RAB3IL1: variants seen among roughly 807,000 people sequenced by gnomAD.
The protein encoded by RAB3IL1 is RAB3A interacting protein like 1.
In RAB3IL1, 37 loss-of-function variants were observed where a neutral mutation model predicts 49.2. That is an observed-to-expected ratio of 0.75 (90% CI 0.58 to 0.99). The LOEUF (loss-of-function observed/expected upper bound fraction) is 0.99. Among genes scored for constraint, RAB3IL1 ranks in the 50% least tolerant of loss-of-function variants. RAB3IL1 has a pLI of 0.00. For missense variants in RAB3IL1, 484 were observed against 513.0 expected (o/e 0.94, Z 0.55); for synonymous variants, 193 against 213.9 (o/e 0.90, Z 0.85).
Position 61,898,193 on chromosome 11 carries a change from A to G in RAB3IL1, c.*85T>C. 2 of 1,315,600 alleles carry G rather than the reference A, an allele frequency of 1.5e-6. No homozygotes were observed. The highest frequency in any genetic ancestry group is 2.1e-6 in the Non-Finnish European group (2 of 932,146). The allele number at this position is 1,315,600 out of a possible 1,614,324, so 81.5% of individuals were successfully genotyped here. ...CTGCCTCTGGCTCAGGGCTGGCTCCAGGCCCCCGTCTCCCTGTGTGTCGGC... is the reference window on the plus strand; with the variant it reads ...CTGCCTCTGGCTCAGGGCTGGCTCCGGGCCCCCGTCTCCCTGTGTGTCGGC... On this transcript the variant is annotated 3_prime_UTR_variant, in exon 10 of 10. Transcript: ENST00000394836. The surrounding 1 kb of genome is among the most constrained non-coding windows in gnomAD (Gnocchi z 5.1).
At position 61,907,583 on chromosome 11, in the gene RAB3IL1, C is replaced by T. The variant is rs750670459; in HGVS notation, c.342G>A (p.Leu114=). ...REQLEQELEE[L]TASLFEEAHK... is the part of the protein sequence containing the mutation. Reference sequence around the variant, plus strand: ...GGTGTACCTCAAACAGGCTGGCCGTCAGCTCTTCCAGCTCCTGTTCTAGCT... The same window carrying T: ...GGTGTACCTCAAACAGGCTGGCCGTTAGCTCTTCCAGCTCCTGTTCTAGCT... The change falls in exon 3 of 10, where the codon CTG becomes CTA. Residue 114 remains leucine (L), a synonymous_variant. Transcript: ENST00000394836. 9 of 1,614,008 alleles carry T rather than the reference C, an allele frequency of 5.6e-6. No homozygotes were observed. In the East Asian group the frequency reaches 6.7e-5, roughly 12 times the overall value.
At chr11:61,902,110 T>A (rs1361336299) in intron 8 of RAB3IL1, among the ~76,000 whole-genome samples, 2 of 151,744 alleles carry the variant, frequency 1.3e-5, no homozygotes, top group Admixed American at 6.6e-5. Flanking sequence ...AGGCCAGGAG[T>A]TCGAGTTCAG....
intron 8 of RAB3IL1, chr11:61,899,869 G>A (rs960729994): frequency 9.3e-5 from 15 of 161,368 alleles, no homozygotes; most frequent in Admixed American, 8.2e-4. Flanking sequence ...GTCAGAAGCC[G>A]CTCACCTGGG....
At chr11:61,914,768 T>G (rs1471926290) in intron 1 of RAB3IL1, among the ~76,000 whole-genome samples, 2 of 151,558 alleles carry the variant, frequency 1.3e-5, no homozygotes, top group African/African-American at 4.9e-5. Context: ...AAGAGAAAGA[T>G]CTCAGTTCAT....
At chr11:61,899,597 G>A (rs886176220) in intron 8 of RAB3IL1, 10 of 573,902 alleles carry the variant, frequency 1.7e-5, no homozygotes, top group South Asian at 1.0e-4. Flanking sequence ...TTCATCAAGC[G>A]CCTGCAGCGA....
In RAB3IL1 at chr11:61,907,672, G is replaced by C. The variant is rs766624877; in HGVS notation, c.265-12C>G. On this transcript the variant is annotated splice_polypyrimidine_tract_variant and intron_variant, in intron 2 of 9. Transcript: ENST00000394836. ...TTTAGCTTCAGCTCCTGGAGGAAAA[G>C]AGGCAGGCACTTGAGCACCTCAGCA... The C allele has an allele frequency of 3.1e-6, 5 of 1,613,482 alleles. No homozygotes were observed. The highest frequency in any genetic ancestry group is 1.1e-5 in the South Asian group (1 of 90,954).
chr11:61,921,955 G>A (rs945910323), upstream of RAB3IL1, among the ~76,000 whole-genome samples: 24 of 152,056 alleles, frequency 1.6e-4, no homozygotes, highest in Non-Finnish European at 4.4e-5. Flanking sequence ...TTGGGAGGCC[G>A]AGGTGGGAGG....
intron 7 of RAB3IL1, 132 bp from the exon 8 acceptor site, chr11:61,902,673 T>C (rs778167885): frequency 2.0e-5 from 16 of 815,944 alleles, no homozygotes; most frequent in Non-Finnish European, 3.1e-5. Flanking sequence ...CCACCCGGCT[T>C]CCAAAGGAAC....
At chr11:61,934,125 C>T in the RAB3IL1 span, among the ~76,000 whole-genome samples, 1 of 151,796 alleles carries the variant, frequency 6.6e-6, no homozygotes, top group African/African-American at 2.4e-5. Context: ...GTGAGTGATG[C>T]ACTTGAATAT....
At chr11:61,945,856 C>T in the RAB3IL1 span, 1 of 966,788 alleles carries the variant, frequency 1.0e-6, no homozygotes, top group South Asian at 4.8e-5. Flanking sequence ...GTTGGTCCAG[C>T]TCTGGTCTAT....
At chr11:61,933,294 T>C in the RAB3IL1 span, among the ~76,000 whole-genome samples, 13 of 151,982 alleles carry the variant, frequency 8.6e-5, no homozygotes, top group Non-Finnish European at 1.8e-4. Flanking sequence ...TGTATCCTTA[T>C]AAGAGGGGGG....
chr11:61,901,432 C>T (rs922632716), intron 8 of RAB3IL1, among the ~76,000 whole-genome samples: 1 of 152,238 alleles, frequency 6.6e-6, no homozygotes, highest in Non-Finnish European at 1.5e-5. Context: ...AGACGCACCG[C>T]TGAACCTTTT....
chr11:61,945,381 T>A, the RAB3IL1 span, among the ~76,000 whole-genome samples: 1 of 152,268 alleles, frequency 6.6e-6, no homozygotes, highest in Admixed American at 6.5e-5. Flanking sequence ...CTAAACACGG[T>A]CGGTCGGCAT....
At chr11:61,943,860 T>C in the RAB3IL1 span, among the ~76,000 whole-genome samples, 1 of 152,196 alleles carries the variant, frequency 6.6e-6, no homozygotes, top group Non-Finnish European at 1.5e-5. Context: ...GGACACGGAT[T>C]GCCCCTCAAT....
chr11:61,901,084 G>C (rs556515936), intron 8 of RAB3IL1, among the ~76,000 whole-genome samples: 5 of 152,118 alleles, frequency 3.3e-5, no homozygotes, highest in Non-Finnish European at 4.4e-5. Context: ...GAGGACTCAC[G>C]CTCGGATGCC....
upstream of RAB3IL1, among the ~76,000 whole-genome samples, chr11:61,922,053 C>CA (rs1159731933): frequency 3.3e-5 from 5 of 151,546 alleles, no homozygotes; most frequent in African/African-American, 1.2e-4. Flanking sequence ...ACTAAAAATA[C>CA]AAAAAATTAG....
Position 61,904,736 on chromosome 11 carries a change from G to A in RAB3IL1, c.786+18C>T, listed in dbSNP as rs749067969. On this transcript the variant is annotated intron_variant, in intron 6 of 9. Coordinates refer to ENST00000394836, the MANE Select transcript of RAB3IL1 (RefSeq NM_013401.4). ...AGGGGTGTGTCCCCCAGCTGGCCCC[G>A]CCCCTGCCATGCCTCACCTCCTGCA... 1.9e-5 allele frequency: 30 copies of A among 1,583,348 alleles called. No individual in the cohort carries two copies. Among genetic ancestry groups the A allele is most frequent in the Non-Finnish European group, 2.3e-5 (27 of 1,166,080 alleles).
At chr11:61,900,172 A>G (rs1197898117) in intron 8 of RAB3IL1, among the ~76,000 whole-genome samples, 1 of 152,216 alleles carries the variant, frequency 6.6e-6, no homozygotes, top group Non-Finnish European at 1.5e-5. Flanking sequence ...AACTCTGCTA[A>G]GAGCCCGGTG....
intron 7 of RAB3IL1, among the ~76,000 whole-genome samples, chr11:61,903,438 C>T (rs146755283): frequency 2.0e-4 from 30 of 152,204 alleles, no homozygotes; most frequent in African/African-American, 6.5e-4. Flanking sequence ...TCCTTGGCTG[C>T]GGACTTATCA....
Sources: allele counts gnomAD v4.1 joint callset (sites outside exome capture counted in the v4.1 genomes callset), GRCh38; gene constraint gnomAD v4.1.1; non-coding constraint Gnocchi (gnomAD v3.1); transcripts MANE v1.5; gene names NCBI Gene and HGNC (gene_info 2026-07-23, HGNC 2026-07-21).